IQUB: variants seen among roughly 807,000 people sequenced by gnomAD.
The protein encoded by IQUB is IQ motif and ubiquitin domain containing, also known as IQ motif and ubiquitin-like domain-containing protein.
IQUB carries 86 observed loss-of-function variants against 86.4 expected under a neutral mutation model. The observed-to-expected ratio is 1.00, with a 90% CI of 0.84 to 1.19. The LOEUF is 1.19. Among genes scored for constraint, IQUB ranks in the 50% most tolerant of loss-of-function variants. IQUB has a pLI of 0.00. For synonymous variants in IQUB, 289 were observed against 304.5 expected (o/e 0.95, Z 0.53); for missense variants, 946 against 916.9 (o/e 1.03, Z -0.41).
At chr7:123,486,635 C>T (rs1422653417) in intron 7 of IQUB, among the ~76,000 whole-genome samples, 1 of 152,052 alleles carries the variant, frequency 6.6e-6, no homozygotes, top group Non-Finnish European at 1.5e-5. Context: ...TAAAAATAAA[C>T]ATGAATCCTT....
chr7:123,499,010 A>G (rs909834231), intron 6 of IQUB, among the ~76,000 whole-genome samples: 2 of 152,248 alleles, frequency 1.3e-5, no homozygotes, highest in African/African-American at 4.8e-5. Context: ...ATTAGGTGAG[A>G]AAATCTTTTA....
intron 1 of IQUB, among the ~76,000 whole-genome samples, chr7:123,518,136 T>C (rs1044894932): frequency 1.8e-4 from 26 of 143,724 alleles, no homozygotes; most frequent in Admixed American, 1.7e-3. Context: ...TTTAGAGTCA[T>C]CCTTTTATTT....
intron 9 of IQUB, among the ~76,000 whole-genome samples, chr7:123,465,873 G>A (rs1281129210): frequency 1.3e-5 from 2 of 151,850 alleles, no homozygotes; most frequent in East Asian, 3.9e-4. Flanking sequence ...CTCTGAAGTG[G>A]GGCCTAGGTA....
Position 123,503,054 on chromosome 7 carries a change from G to T in IQUB, c.757C>A (p.Leu253Ile). The change falls in exon 5 of 13, where the codon CTT (leucine) becomes ATT (isoleucine). Residue 253 changes from leucine (L) to isoleucine (I), a missense_variant. Physicochemically the swap from Leu to Ile is conservative, Grantham distance 5. Coordinates refer to ENST00000324698, the MANE Select transcript of IQUB (RefSeq NM_178827.5). ...IVKSDFHKPFLGGFRHKVTGV... is the reference protein window; with the variant it reads ...IVKSDFHKPFIGGFRHKVTGV... ...GTTACTTTATGTCTGAATCCACCAA[G>T]AAATGGTTTGTGAAAGTCAGATTTG... 3.1e-6 allele frequency: 5 copies of T among 1,613,380 alleles called. No individual in the cohort carries two copies. The highest frequency in any genetic ancestry group is 4.2e-6 in the Non-Finnish European group (5 of 1,179,638).
Position 123,452,881 on chromosome 7 carries a change from GA to G in IQUB, c.2237del (p.Ile746ThrfsTer39). The G allele has an allele frequency of 6.2e-7, 1 of 1,613,204 alleles. No homozygotes were observed. Among genetic ancestry groups the G allele is most frequent in the Non-Finnish European group, 8.5e-7 (1 of 1,179,478 alleles). On this transcript the variant is annotated frameshift_variant, in exon 13 of 13. Coordinates refer to ENST00000324698, the MANE Select transcript of IQUB (RefSeq NM_178827.5). LOFTEE classifies it low-confidence loss of function (END_TRUNC). ...SFIHKIKHKH[I>X]LAKNYFSQVP... ...CCTGAGAAAAATAGTTCTTAGCCAG[GA>G]TATGTTTGTGTTTGATCTTGTGAAT...
Position 123,480,884 on chromosome 7 carries a change from T to TA in IQUB, c.1235-915dup, listed in dbSNP as rs1054694807. On this transcript the variant is annotated intron_variant, in intron 7 of 12. Coordinates refer to ENST00000324698, the MANE Select transcript of IQUB (RefSeq NM_178827.5). ...ATTTTAAAGCCCTGGTTACTATCAA[T>TA]AAAAAATGTGCTGCACAAACTTAAA... Among the ~76,000 whole-genome samples, 122 of 152,212 alleles carry TA rather than the reference T, an allele frequency of 8.0e-4. 1 individual carries two copies. Among genetic ancestry groups the TA allele is most frequent in the African/African-American group, 2.9e-3 (119 of 41,538 alleles).
At position 123,479,402 on chromosome 7, in the gene IQUB, G is replaced by C. The variant is rs141456050; in HGVS notation, c.1410+393C>G. 3.5e-3 allele frequency among the ~76,000 whole-genome samples: 535 copies of C among 152,120 alleles called. 4 individuals are homozygous for C. Among genetic ancestry groups the C allele is most frequent in the African/African-American group, 0.012 (489 of 41,512 alleles). On this transcript the variant is annotated intron_variant, in intron 8 of 12. Transcript: ENST00000324698. ...TACTAGTCTATAGCTATTTCTCCCA[G>C]GTTGCTTACCATCAGAGCACCCCAG... is the stretch of plus-strand genomic sequence containing the variant.
At chr7:123,476,449 T>C (rs893513083) in intron 8 of IQUB, among the ~76,000 whole-genome samples, 1 of 151,976 alleles carries the variant, frequency 6.6e-6, no homozygotes, top group African/African-American at 2.4e-5. Context: ...GTGGGTATAG[T>C]ATTCAGGGAG....
At chr7:123,506,085 T>G (rs765598295) in intron 3 of IQUB, among the ~76,000 whole-genome samples, 4 of 152,226 alleles carry the variant, frequency 2.6e-5, no homozygotes, top group African/African-American at 4.8e-5. Flanking sequence ...GACACAGTGC[T>G]GCCGGGTGTC....
chr7:123,459,497 T>C (rs1217336953), intron 11 of IQUB, among the ~76,000 whole-genome samples: 1 of 151,964 alleles, frequency 6.6e-6, no homozygotes, highest in African/African-American at 2.4e-5. Flanking sequence ...CTAATGGCCA[T>C]TGAATTGAGA....
chr7:123,526,790 G>C (rs1407037218), intron 1 of IQUB, among the ~76,000 whole-genome samples: 1 of 151,920 alleles, frequency 6.6e-6, no homozygotes, highest in African/African-American at 2.4e-5. Flanking sequence ...TTTCTTCCTA[G>C]TCTCGATGGT....
chr7:123,467,592 A>G (rs893455176), intron 9 of IQUB, among the ~76,000 whole-genome samples: 2 of 152,216 alleles, frequency 1.3e-5, no homozygotes, highest in Admixed American at 6.5e-5. Context: ...GGTCCAGCTC[A>G]TAATGGATCT....
chr7:123,523,041 T>C (rs1479574773), intron 1 of IQUB, among the ~76,000 whole-genome samples: 1 of 150,992 alleles, frequency 6.6e-6, no homozygotes, highest in Non-Finnish European at 1.5e-5. Context: ...ACTCATCATT[T>C]TTTATGGCTG....
chr7:123,532,464 A>G (rs943489995), intron 1 of IQUB: 1 of 152,204 alleles, frequency 6.6e-6, no homozygotes, highest in African/African-American at 2.4e-5. Flanking sequence ...TGACACTGGG[A>G]TCAGGATAGT....
intron 7 of IQUB, among the ~76,000 whole-genome samples, chr7:123,486,183 T>G (rs1416957140): frequency 6.6e-6 from 1 of 152,118 alleles, no homozygotes; most frequent in African/African-American, 2.4e-5. Context: ...GGACCACCAA[T>G]TACTTGAAAC....
intron 7 of IQUB, among the ~76,000 whole-genome samples, chr7:123,484,631 A>C (rs1056589271): frequency 1.3e-5 from 2 of 152,088 alleles, no homozygotes; most frequent in African/African-American, 4.8e-5. Flanking sequence ...CTATTCTCAA[A>C]AAAAATCAAA....
chr7:123,484,742 C>T (rs1271339015), intron 7 of IQUB, among the ~76,000 whole-genome samples: 1 of 152,000 alleles, frequency 6.6e-6, no homozygotes, highest in Non-Finnish European at 1.5e-5. Context: ...CATTCAGATT[C>T]TCCATTTTCG....
At chr7:123,453,424 A>AAT (rs1793540563) in intron 12 of IQUB, among the ~76,000 whole-genome samples, 1 of 149,134 alleles carries the variant, frequency 6.7e-6, no homozygotes, top group Non-Finnish European at 1.5e-5. Context: ...AATTATACAC[A>AAT]ATATATATAA....
intron 3 of IQUB, among the ~76,000 whole-genome samples, chr7:123,507,865 C>T (rs1331560156): frequency 2.2e-5 from 3 of 134,586 alleles, no homozygotes; most frequent in Non-Finnish European, 3.2e-5. Context: ...AGTGAGACTC[C>T]ATCTCAAAAA....
Sources: gnomAD v4.1 joint callset for allele counts (sites outside exome capture counted in the v4.1 genomes callset) on GRCh38, gnomAD v4.1.1 for gene constraint, MANE v1.5 for transcripts, NCBI Gene and HGNC (gene_info 2026-07-23, HGNC 2026-07-21) for gene names.